The following CCDC85A variants were observed in gnomAD, a reference collection of about 807,000 sequenced individuals.
CCDC85A encodes the protein coiled-coil domain-containing protein 85A.
Under a neutral mutation model 50.2 loss-of-function variants are expected in CCDC85A, and 38 were observed. The observed-to-expected ratio is 0.76, with a 90% CI of 0.58 to 0.99. The LOEUF (loss-of-function observed/expected upper bound fraction) is 0.99. Among genes scored for constraint, CCDC85A ranks in the 50% least tolerant of loss-of-function variants. The pLI, the probability that CCDC85A is intolerant of heterozygous loss-of-function variation, is 0.00. For missense variants in CCDC85A, 820 were observed against 742.0 expected (o/e 1.11, Z -1.22); for synonymous variants, 366 against 301.4 (o/e 1.21, Z -2.22).
intron 2 of CCDC85A, among the ~76,000 whole-genome samples, chr2:56,282,711 T>C (rs988378985): frequency 6.6e-6 from 1 of 152,226 alleles, no homozygotes; most frequent in Admixed American, 6.5e-5. Context: ...GGTTTCACCA[T>C]GTTGGCCAGG....
At chr2:56,205,911 G>T (rs1676939902) in intron 2 of CCDC85A, among the ~76,000 whole-genome samples, 1 of 152,188 alleles carries the variant, frequency 6.6e-6, no homozygotes, top group African/African-American at 2.4e-5. Flanking sequence ...GAGCCTGGGA[G>T]ATGGGTCATT....
chr2:56,234,327 T>A (rs1668906620), intron 2 of CCDC85A, among the ~76,000 whole-genome samples: 1 of 152,122 alleles, frequency 6.6e-6, no homozygotes, highest in African/African-American at 2.4e-5. Context: ...GAGAGCAGGG[T>A]CTCTTTGGAG....
chr2:56,250,010 T>C (rs1669684887), intron 2 of CCDC85A, among the ~76,000 whole-genome samples: 2 of 152,202 alleles, frequency 1.3e-5, no homozygotes, highest in African/African-American at 2.4e-5. Flanking sequence ...ATGTCTTCAG[T>C]TGTGCCAGCA....
At chr2:56,322,757 C>T (rs1673268519) in intron 2 of CCDC85A, among the ~76,000 whole-genome samples, 1 of 152,106 alleles carries the variant, frequency 6.6e-6, no homozygotes, top group Non-Finnish European at 1.5e-5. Context: ...GGATCTAGAA[C>T]TAGAAATACC....
At chr2:56,223,714 G>A (rs1009847099) in intron 2 of CCDC85A, among the ~76,000 whole-genome samples, 1 of 152,096 alleles carries the variant, frequency 6.6e-6, no homozygotes, top group Non-Finnish European at 1.5e-5. Context: ...TATTTAATCA[G>A]CGAAAAATGC....
At chr2:56,330,771 G>T (rs771239603) in intron 2 of CCDC85A, among the ~76,000 whole-genome samples, 1 of 152,096 alleles carries the variant, frequency 6.6e-6, no homozygotes, top group Non-Finnish European at 1.5e-5. Context: ...TGTACTGTTC[G>T]TGGGAATGTA....
intron 2 of CCDC85A, among the ~76,000 whole-genome samples, chr2:56,310,595 A>T (rs1343033472): frequency 6.6e-6 from 1 of 152,168 alleles, no homozygotes; most frequent in Non-Finnish European, 1.5e-5. Context: ...ACAACAAAAA[A>T]TTTGATCTAC....
Position 56,184,124 on chromosome 2 carries a change from C to G in CCDC85A, c.-501C>G. On this transcript the variant is annotated 5_prime_UTR_variant, in exon 1 of 6. Transcript: ENST00000407595. The stretch of plus-strand genomic sequence containing the variant: ...GGCGTCGCTAGAGCAGCCGGGGAGG[C>G]GCCGCGGTGCCCGGCGCGCCCTCCA... The G allele has an allele frequency of 1.0e-6, 1 of 975,548 alleles. No individual in the cohort carries two copies. The highest frequency in any genetic ancestry group is 1.2e-6 in the Non-Finnish European group (1 of 820,964). The allele number at this position is 975,548 out of a possible 1,614,324, so 60.4% of individuals were successfully genotyped here. A position where few individuals can be genotyped will look rare whatever the true frequency, so the allele number is the denominator to read the frequency against.
At chr2:56,244,579 C>T (rs978660789) in intron 2 of CCDC85A, among the ~76,000 whole-genome samples, 1 of 151,650 alleles carries the variant, frequency 6.6e-6, no homozygotes, top group Non-Finnish European at 1.5e-5. Flanking sequence ...TAAGCTGGTA[C>T]CTAGGCTGTA....
At chr2:56,288,304 T>C (rs1253644840) in intron 2 of CCDC85A, among the ~76,000 whole-genome samples, 1 of 152,074 alleles carries the variant, frequency 6.6e-6, no homozygotes, top group Admixed American at 6.6e-5. Flanking sequence ...GGTTCTTTTT[T>C]TTTTTTTCCT....
chr2:56,324,829 T>C (rs1211968890), intron 2 of CCDC85A, among the ~76,000 whole-genome samples: 2 of 152,034 alleles, frequency 1.3e-5, no homozygotes, highest in Admixed American at 1.3e-4. Flanking sequence ...CTCTTTGGGG[T>C]TAAAATATTG....
At chr2:56,362,522 C>T (rs998476928) in intron 3 of CCDC85A, among the ~76,000 whole-genome samples, 3 of 151,838 alleles carry the variant, frequency 2.0e-5, no homozygotes, top group African/African-American at 7.3e-5. Flanking sequence ...ATCCTGGATA[C>T]CCCAAGATTT....
Position 56,192,950 on chromosome 2 carries a change from G to A in CCDC85A, c.750G>A (p.Lys250=). The A allele has an allele frequency of 6.2e-7, 1 of 1,612,256 alleles. No homozygotes were observed. Among genetic ancestry groups the A allele is most frequent in the Non-Finnish European group, 8.5e-7 (1 of 1,179,438 alleles). The change falls in exon 2 of 6, where the codon AAG becomes AAA. Residue 250 remains lysine (K), a synonymous_variant. Transcript: ENST00000407595. This position sits in a 1 kb window ranked among gnomAD's most constrained non-coding sequence, Gnocchi z 4.7. ...PRSEGSPEHS[K]HRSASPEHPQ... ...GCGAGGGCAGCCCGGAGCACTCCAA[G>A]CACAGGAGCGCCAGCCCCGAGCATC...
chr2:56,384,295 A>G lies in CCDC85A; in HGVS notation c.1602A>G (p.Ala534=). Residue 534 remains alanine (A), a synonymous_variant, in exon 6 of 6, where the codon GCA becomes GCG. Transcript: ENST00000407595. ...TGTGGAGGAAACTTGGAGATGCTGC[A>G]GGTTCGTGTCCTGGAATTAGGCAAC... is the stretch of plus-strand genomic sequence containing the variant. ...KVVWRKLGDA[A]GSCPGIRQHL... 1 of 1,611,206 alleles carries G rather than the reference A, an allele frequency of 6.2e-7. No homozygotes were observed. The highest frequency in any genetic ancestry group is 8.5e-7 in the Non-Finnish European group (1 of 1,178,134).
chr2:56,306,546 A>G (rs924801519), intron 2 of CCDC85A, among the ~76,000 whole-genome samples: 3 of 152,296 alleles, frequency 2.0e-5, no homozygotes, highest in Middle Eastern at 6.8e-3. Flanking sequence ...ATGTCAGAAA[A>G]AAATGGGTTT....
At chr2:56,382,035 A>G (rs967544052) in intron 5 of CCDC85A, among the ~76,000 whole-genome samples, 1 of 152,008 alleles carries the variant, frequency 6.6e-6, no homozygotes, top group African/African-American at 2.4e-5. Context: ...GAATTTGAGG[A>G]AAAAATGCAA....
chr2:56,214,550 A>C (rs1156547142), intron 2 of CCDC85A, among the ~76,000 whole-genome samples: 1 of 151,914 alleles, frequency 6.6e-6, no homozygotes, highest in African/African-American at 2.4e-5. Context: ...AAAAGATATA[A>C]GGTCAGTATC....
At chr2:56,337,379 A>C (rs1355444646) in intron 2 of CCDC85A, among the ~76,000 whole-genome samples, 1 of 152,086 alleles carries the variant, frequency 6.6e-6, no homozygotes, top group Non-Finnish European at 1.5e-5. Context: ...AAGAGAAATA[A>C]AATAACTTTT....
intron 2 of CCDC85A, among the ~76,000 whole-genome samples, chr2:56,316,171 G>A (rs370959260): frequency 3.3e-4 from 50 of 152,278 alleles, no homozygotes; most frequent in African/African-American, 9.9e-4. Flanking sequence ...TTCAAATACA[G>A]TGTTGGCAGT....
Sources: gnomAD v4.1 joint callset for allele counts (sites outside exome capture counted in the v4.1 genomes callset) on GRCh38, gnomAD v4.1.1 for gene constraint, Gnocchi (gnomAD v3.1) non-coding constraint, MANE v1.5 for transcripts, NCBI Gene and HGNC (gene_info 2026-07-23, HGNC 2026-07-21) for gene names.